CFAP61: variants seen among roughly 807,000 people sequenced by gnomAD.
The protein encoded by CFAP61 is cilia- and flagella-associated protein 61.
In CFAP61, 107 loss-of-function variants were observed where a neutral mutation model predicts 135.6. The observed-to-expected ratio is 0.79, with a 90% confidence interval of 0.67 to 0.93. CFAP61 has a LOEUF of 0.93. Ranked by LOEUF, CFAP61 falls within the 40% of genes least tolerant of loss-of-function variation. CFAP61 has a pLI of 0.00. For missense variants in CFAP61, 1,507 were observed against 1,556.2 expected (o/e 0.97, Z 0.53); for synonymous variants, 575 against 578.5 (o/e 0.99, Z 0.09).
intron 2 of CFAP61, among the ~76,000 whole-genome samples, chr20:20,067,651 ATATATATATATAATATATATATTTATAT>A (rs1386262555): frequency 7.3e-6 from 1 of 137,644 alleles, no homozygotes; most frequent in Non-Finnish European, 1.5e-5. Context: ...CAAAATATAT[ATATATATATATAATATATATATTTATAT>A]TATATATAAT....
chr20:20,200,634 TAAAA>T, intron 17 of CFAP61: 3 of 769,452 alleles, frequency 3.9e-6, no homozygotes, highest in African/African-American at 2.0e-5. Flanking sequence ...CTTAAGTAAG[TAAAA>T]AAAAAAAAAA....
At chr20:20,177,729 C>T (rs1281207954) in intron 13 of CFAP61, among the ~76,000 whole-genome samples, 3 of 150,780 alleles carry the variant, frequency 2.0e-5, no homozygotes, top group East Asian at 3.9e-4. Flanking sequence ...AGATCAAATG[C>T]ACAGTATATA....
chr20:20,113,329 T>C (rs1259505425), intron 8 of CFAP61, among the ~76,000 whole-genome samples: 1 of 152,238 alleles, frequency 6.6e-6, no homozygotes, highest in Non-Finnish European at 1.5e-5. Flanking sequence ...ATTTAGATAC[T>C]GTGCTCTTTG....
chr20:20,300,606 T>G (rs988422471), intron 25 of CFAP61, among the ~76,000 whole-genome samples: 3 of 151,830 alleles, frequency 2.0e-5, no homozygotes, highest in African/African-American at 7.3e-5. Context: ...TTGTTTTTTT[T>G]GTTTTTTTTT....
chr20:20,094,820 A>G (rs1165259848), intron 7 of CFAP61: 1 of 152,220 alleles, frequency 6.6e-6, no homozygotes, highest in African/African-American at 2.4e-5. Flanking sequence ...GGGGACGTCT[A>G]ATCTGAAGTG....
intron 17 of CFAP61, among the ~76,000 whole-genome samples, chr20:20,213,756 G>A (rs1186366339): frequency 1.3e-5 from 2 of 152,058 alleles, no homozygotes; most frequent in Non-Finnish European, 2.9e-5. Context: ...GAAAGAATAG[G>A]TGATATAATT....
Position 20,199,921 on chromosome 20 carries a change from G to A in CFAP61, c.1932+19G>A. ...GGATCCGGTGGGTAGCAGGGCGGCA[G>A]GCAGGGCGGCGCGGTGCCAGCTCCC... On this transcript the variant is annotated intron_variant, in intron 17 of 26. Coordinates refer to ENST00000245957, the MANE Select transcript of CFAP61 (RefSeq NM_015585.4). 2 of 1,612,914 alleles carry A rather than the reference G, an allele frequency of 1.2e-6. No individual in the cohort carries two copies. Among genetic ancestry groups the A allele is most frequent in the Middle Eastern group, 1.6e-4 (1 of 6,062 alleles).
intron 26 of CFAP61, among the ~76,000 whole-genome samples, chr20:20,358,064 G>A: frequency 6.7e-6 from 1 of 148,644 alleles, no homozygotes; most frequent in South Asian, 2.2e-4. Flanking sequence ...GTGAGGGGAG[G>A]TGGTCACACT....
intron 8 of CFAP61, among the ~76,000 whole-genome samples, chr20:20,116,690 G>T (rs1168230411): frequency 6.6e-6 from 1 of 152,000 alleles, no homozygotes; most frequent in Non-Finnish European, 1.5e-5. Flanking sequence ...CAAACACTGG[G>T]TCATACTTCT....
At chr20:20,360,178 T>G in intron 26 of CFAP61, 32 bp from the exon 27 acceptor site, 1 of 1,547,502 alleles carries the variant, frequency 6.5e-7, no homozygotes, top group Non-Finnish European at 8.9e-7. Flanking sequence ...TCCAATTAAT[T>G]TCTGTATCTG....
chr20:20,160,475 G>A (rs1489395543), intron 10 of CFAP61, among the ~76,000 whole-genome samples: 1 of 152,146 alleles, frequency 6.6e-6, no homozygotes, highest in Non-Finnish European at 1.5e-5. Flanking sequence ...GGCTAACACT[G>A]AACCAGAGAA....
chr20:20,067,543 G>A lies in CFAP61; in HGVS notation c.144-3311G>A, dbSNP rs570490332. On this transcript the variant is annotated intron_variant, in intron 2 of 26. Coordinates refer to ENST00000245957, the MANE Select transcript of CFAP61 (RefSeq NM_015585.4). ...TGTAGTCGCAGCTACTCGGGAGGCT[G>A]AGGCAGGAGAATCACTTGAACCCTG... Among the ~76,000 whole-genome samples the A allele has an allele frequency of 3.1e-3, 468 of 151,222 alleles. 1 individual carries two copies. The highest frequency in any genetic ancestry group is 0.011 in the African/African-American group (441 of 41,334).
At position 20,345,524 on chromosome 20, in the gene CFAP61, A is replaced by G. The variant is rs1423583599; in HGVS notation, c.3513+3603A>G. ...TAACTATCATATCCTAGAGCTTGGT[A>G]TATCAATTTTCTTCTTCCACATGTA... On this transcript the variant is annotated intron_variant, in intron 26 of 26. Coordinates refer to ENST00000245957, the MANE Select transcript of CFAP61 (RefSeq NM_015585.4). Among the ~76,000 whole-genome samples, 3 of 152,238 alleles carry G rather than the reference A, an allele frequency of 2.0e-5. No homozygotes were observed. The East Asian group carries it at 5.8e-4, about 29-fold the overall frequency.
chr20:20,169,157 G>A (rs2054041833), intron 12 of CFAP61, among the ~76,000 whole-genome samples, 164 bp from the exon 13 acceptor site: 1 of 152,056 alleles, frequency 6.6e-6, no homozygotes, highest in African/African-American at 2.4e-5. Context: ...CTTATTTCCT[G>A]AATTTTATGT....
intron 9 of CFAP61, 143 bp downstream of exon 9, chr20:20,143,091 C>T: frequency 1.7e-6 from 1 of 592,678 alleles, no homozygotes; most frequent in Middle Eastern, 4.5e-4. Context: ...GCAGTAAGCA[C>T]ACCGCGAGCT....
intron 24 of CFAP61, among the ~76,000 whole-genome samples, chr20:20,295,302 CT>C (rs1448358795): frequency 6.6e-6 from 1 of 152,174 alleles, no homozygotes; most frequent in African/African-American, 2.4e-5. Context: ...ATGGGTGGAT[CT>C]CAAGGTGTGC....
At chr20:20,356,454 AGG>A (rs2059171608) in intron 26 of CFAP61, among the ~76,000 whole-genome samples, 1 of 149,012 alleles carries the variant, frequency 6.7e-6, no homozygotes, top group Non-Finnish European at 1.5e-5. Flanking sequence ...TCACAGTGTG[AGG>A]GGAGGTGGTC....
intron 2 of CFAP61, among the ~76,000 whole-genome samples, chr20:20,057,572 C>T (rs1247982414): frequency 2.0e-5 from 3 of 152,152 alleles, no homozygotes; most frequent in South Asian, 2.1e-4. Context: ...TGTTCACAGC[C>T]GCTGCTGTTA....
chr20:20,133,789 G>A (rs2050718087), intron 8 of CFAP61, among the ~76,000 whole-genome samples: 1 of 152,194 alleles, frequency 6.6e-6, no homozygotes, highest in Admixed American at 6.5e-5. Flanking sequence ...TCTCAAGATG[G>A]TGATTTGGGA....
Sources: gnomAD v4.1 joint callset for allele counts (sites outside exome capture counted in the v4.1 genomes callset) on GRCh38, gnomAD v4.1.1 for gene constraint, MANE v1.5 for transcripts, NCBI Gene and HGNC (gene_info 2026-07-23, HGNC 2026-07-21) for gene names.